A4GNT: variants seen among roughly 807,000 people sequenced by gnomAD.
A4GNT encodes the protein alpha-1,4-N-acetylglucosaminyltransferase.
In A4GNT, 6 loss-of-function variants were observed where a neutral mutation model predicts 8.3. That is an observed-to-expected ratio of 0.72 (90% confidence interval 0.39 to 1.42). The LOEUF (loss-of-function observed/expected upper bound fraction) is 1.42. Ranked by LOEUF, A4GNT falls within the 40% of genes most tolerant of loss-of-function variation. The probability of loss-of-function intolerance (pLI) is 0.02; values close to 1 mark genes in which losing one functional copy is unlikely to be tolerated. For missense variants in A4GNT, 377 were observed against 417.0 expected (o/e 0.90, Z 0.84); for synonymous variants, 157 against 159.8 (o/e 0.98, Z 0.13).
chr3:138,131,739 C>A (rs2042778008), intron 1 of A4GNT, among the ~76,000 whole-genome samples: 9 of 152,092 alleles, frequency 5.9e-5, no homozygotes, highest in Non-Finnish European at 1.5e-5. Context: ...GCCATATGAT[C>A]ATTTTGGCTC....
At chr3:138,130,715 C>A (rs928351065) in intron 2 of A4GNT, 134 bp downstream of exon 2, 29 of 896,608 alleles carry the variant, frequency 3.2e-5, no homozygotes, top group Non-Finnish European at 4.4e-5. Context: ...AATCAGTTCT[C>A]AACATGGTAA....
At position 138,124,352 on chromosome 3, in the gene A4GNT, T is replaced by C. The variant is rs146581075; in HGVS notation, c.935A>G (p.Tyr312Cys). The C allele has an allele frequency of 1.8e-4, 297 of 1,614,224 alleles. No homozygotes were observed. The African/African-American group carries it at 3.8e-3, about 21-fold the overall frequency. ...GTAAGTCCTGGGACAGTGCTTGCGA[T>C]AGAGATTTTCCACCAGTGTGTTGCT... is the stretch of plus-strand genomic sequence containing the variant. The part of the protein sequence containing the change: ...RGSNTLVENL[Y>C]RKHCPRTYRD... The change falls in exon 3 of 3, where the codon TAT becomes TGT. Residue 312 changes from tyrosine (Y) to cysteine (C), a missense_variant. Tyr to Cys is a radical substitution (Grantham distance 194). Transcript: ENST00000236709.
chr3:138,128,075 A>C (rs1361698315), intron 2 of A4GNT, among the ~76,000 whole-genome samples: 1 of 152,206 alleles, frequency 6.6e-6, no homozygotes, highest in African/African-American at 2.4e-5. Context: ...TGCTCAAATA[A>C]GTTTAGGAAG....
At chr3:138,131,769 A>C (rs554424319) in intron 1 of A4GNT, among the ~76,000 whole-genome samples, 1 of 152,332 alleles carries the variant, frequency 6.6e-6, no homozygotes, top group South Asian at 2.1e-4. Context: ...CAAGAATGTG[A>C]CTAACTTTAA....
At chr3:138,125,915 A>G (rs2042742551) in intron 2 of A4GNT, among the ~76,000 whole-genome samples, 2 of 151,856 alleles carry the variant, frequency 1.3e-5, no homozygotes, top group Non-Finnish European at 2.9e-5. Flanking sequence ...GGGGTAGGCA[A>G]TGAGATCAGA....
chr3:138,129,631 A>G (rs1364923900), intron 2 of A4GNT, among the ~76,000 whole-genome samples: 3 of 152,216 alleles, frequency 2.0e-5, no homozygotes, highest in Admixed American at 6.5e-5. Flanking sequence ...GGAAGAAACT[A>G]CCACAAGTAC....
In A4GNT at chr3:138,131,181, T is replaced by C. The variant is rs760621735; in HGVS notation, c.76A>G (p.Lys26Glu). The change falls in exon 2 of 3, where the codon AAG (lysine) becomes GAG (glutamate). Residue 26 changes from lysine to glutamate, a missense_variant. Coordinates refer to ENST00000236709, the MANE Select transcript of A4GNT (RefSeq NM_016161.3). ...VCGFLYQFTL[K>E]SSCLFCLPSF... Reference sequence around the variant, plus strand: ...GGCAAACAGAAGAGGCAGCTGGACTTCAGGGTGAACTGGTAGAGGAAGCCA... The same window carrying C: ...GGCAAACAGAAGAGGCAGCTGGACTCCAGGGTGAACTGGTAGAGGAAGCCA... 6.2e-7 allele frequency: 1 copy of C among 1,613,204 alleles called. No individual in the cohort carries two copies. Among genetic ancestry groups the C allele is most frequent in the Admixed American group, 1.7e-5 (1 of 59,980 alleles).
chr3:138,125,962 G>A (rs1390949455), intron 2 of A4GNT, among the ~76,000 whole-genome samples: 1 of 152,212 alleles, frequency 6.6e-6, no homozygotes, highest in African/African-American at 2.4e-5. Flanking sequence ...GGATCATGTA[G>A]GCTGGGGCCA....
chr3:138,124,902 C>A, intron 2 of A4GNT, 24 bp from the exon 3 acceptor site: 3 of 1,596,374 alleles, frequency 1.9e-6, no homozygotes, highest in Non-Finnish European at 1.7e-6. Flanking sequence ...TGCAAATCAG[C>A]CCCAAGTAGC....
At position 138,132,237 on chromosome 3, in the gene A4GNT, G is replaced by A. The variant is rs1322946118; in HGVS notation, c.-52C>T. The A allele has an allele frequency of 6.6e-6, 1 of 152,180 alleles. No individual in the cohort carries two copies. Among genetic ancestry groups the A allele is most frequent in the Non-Finnish European group, 1.5e-5 (1 of 68,038 alleles). 9.4% of individuals were successfully genotyped at this position (152,180 alleles called of 1,614,324 possible). On this transcript the variant is annotated 5_prime_UTR_variant, in exon 1 of 3. Transcript: ENST00000236709. ...CTGCAGTGCTTTCCTCACCAAAAAT[G>A]TTAGCTCTAACCAAGGAGAACACAG...
At chr3:138,130,514 A>T (rs1337111747) in intron 2 of A4GNT, among the ~76,000 whole-genome samples, 4 of 152,352 alleles carry the variant, frequency 2.6e-5, no homozygotes, top group Middle Eastern at 3.4e-3. Context: ...GTGAAAAAAA[A>T]AATAAAGTTT....
intron 2 of A4GNT, 150 bp downstream of exon 2, chr3:138,130,699 T>C: frequency 1.3e-6 from 1 of 746,180 alleles, no homozygotes; most frequent in Non-Finnish European, 2.1e-6. Context: ...CTTCCCTCTT[T>C]ATTTGAATCA....
rs1041380259 is a variant in A4GNT at position 138,123,873 on chromosome 3, C to T, written c.*391G>A. The T allele has an allele frequency of 2.2e-5, 4 of 182,382 alleles. No individual in the cohort carries two copies. The highest frequency in any genetic ancestry group is 4.6e-5 in the Non-Finnish European group (4 of 87,366). The allele number at this position is 182,382 out of a possible 1,614,324, so 11.3% of individuals were successfully genotyped here. On this transcript the variant is annotated 3_prime_UTR_variant, in exon 3 of 3. Transcript: ENST00000236709. ...TAGCAAAACTGTTAGCTGCCTATCC[C>T]AGTACCCATTTTTTCTTCCTCCTTA...
In A4GNT at chr3:138,124,531, T is replaced by C. The variant is rs763565730; in HGVS notation, c.756A>G (p.Ile252Met). The change falls in exon 3 of 3, where the codon ATA (isoleucine) becomes ATG (methionine). Residue 252 changes from isoleucine to methionine, a missense_variant. Ile to Met is a conservative substitution (Grantham distance 10). Transcript: ENST00000236709. ...AAAATCTTTGGGGGTGTAAGAAGGA[T>C]ATGTTCAGACACCTGAGGTCGCTCA... The part of the protein sequence containing the change: ...QEVSDLRCLN[I>M]SFLHPQRFYP... The C allele has an allele frequency of 6.2e-7, 1 of 1,614,184 alleles. No individual in the cohort carries two copies. The highest frequency in any genetic ancestry group is 8.5e-7 in the Non-Finnish European group (1 of 1,180,024).
chr3:138,131,002 G>A lies in A4GNT; in HGVS notation c.255C>T (p.Phe85=). The A allele has an allele frequency of 6.2e-7, 1 of 1,614,124 alleles. No individual in the cohort carries two copies. The highest frequency in any genetic ancestry group is 8.5e-7 in the Non-Finnish European group (1 of 1,180,024). ...AKIYPEWPVV[F]FMKGLTDSTP... is the part of the protein sequence containing the mutation. ...TGGAATCAGTAAGACCCTTCATAAA[G>A]AACACCACAGGCCACTCAGGATAAA... The change falls in exon 2 of 3, where the codon TTC becomes TTT. Residue 85 remains phenylalanine, a synonymous_variant. Transcript: ENST00000236709.
intron 2 of A4GNT, among the ~76,000 whole-genome samples, chr3:138,126,127 T>C (rs2042743542): frequency 6.6e-6 from 1 of 151,968 alleles, no homozygotes; most frequent in Non-Finnish European, 1.5e-5. Context: ...TCGGTTGACA[T>C]AATCCAGACA....
chr3:138,128,331 G>T (rs907532935), intron 2 of A4GNT, among the ~76,000 whole-genome samples: 3 of 152,064 alleles, frequency 2.0e-5, no homozygotes, highest in African/African-American at 7.2e-5. Flanking sequence ...ATTGGCTCAC[G>T]GTTCTGCAGG....
chr3:138,124,372 G>T lies in A4GNT; in HGVS notation c.915C>A (p.Asn305Lys), dbSNP rs780715163. The change falls in exon 3 of 3, where the codon AAC (asparagine) becomes AAA (lysine). Residue 305 changes from asparagine to lysine, a missense_variant. Physicochemically the swap from Asn to Lys is moderately conservative, Grantham distance 94. Coordinates refer to ENST00000236709, the MANE Select transcript of A4GNT (RefSeq NM_016161.3). ...QEGRAVIRGSNTLVENLYRKH... is the reference protein window; with the variant it reads ...QEGRAVIRGSKTLVENLYRKH... ...TGCGATAGAGATTTTCCACCAGTGT[G>T]TTGCTTCCTCTAATCACAGCCCGCC... is the stretch of plus-strand genomic sequence containing the variant. 3 of 1,614,238 alleles carry T rather than the reference G, an allele frequency of 1.9e-6. No homozygotes were observed. Among genetic ancestry groups the T allele is most frequent in the African/African-American group, 1.3e-5 (1 of 75,066 alleles).
rs774762361 is a variant in A4GNT, at chr3:138,124,731, C to A, written c.556G>T (p.Ala186Ser). Reference sequence around the variant, plus strand: ...ATTCCATTACTAGAGTACCGAGAAGCCTGCGCAGCCAAAAAGTTCTCCTCA... The same window carrying A: ...ATTCCATTACTAGAGTACCGAGAAGACTGCGCAGCCAAAAAGTTCTCCTCA... ...IPEENFLAAQ[A>S]SRYSSNGIFG... The change falls in exon 3 of 3, where the codon GCT becomes TCT. Residue 186 changes from alanine (A) to serine (S), a missense_variant. By Grantham distance (99) the Ala-to-Ser change is moderately conservative. Coordinates refer to ENST00000236709, the MANE Select transcript of A4GNT (RefSeq NM_016161.3). 8 of 1,614,162 alleles carry A rather than the reference C, an allele frequency of 5.0e-6. No individual in the cohort carries two copies. Among genetic ancestry groups the A allele is most frequent in the South Asian group, 1.1e-5 (1 of 91,080 alleles).
Sources: allele counts gnomAD v4.1 joint callset (sites outside exome capture counted in the v4.1 genomes callset), GRCh38; gene constraint gnomAD v4.1.1; transcripts MANE v1.5; gene names NCBI Gene and HGNC (gene_info 2026-07-23, HGNC 2026-07-21).